The following NDUFAB1 variants were observed in gnomAD, a reference collection of about 807,000 sequenced individuals.
NDUFAB1 encodes NADH:ubiquinone oxidoreductase subunit AB1.
In NDUFAB1, 5 loss-of-function variants were observed where a neutral mutation model predicts 16.1. The ratio of observed to expected loss-of-function variants is 0.31; its 90% CI spans 0.16 to 0.65. The LOEUF is 0.65. Ranked by LOEUF, NDUFAB1 falls within the 30% of genes least tolerant of loss-of-function variation. The probability of loss-of-function intolerance (pLI) is 0.77; values close to 1 mark genes in which losing one functional copy is unlikely to be tolerated. For synonymous variants in NDUFAB1, 85 were observed against 78.4 expected (o/e 1.08, Z -0.44); for missense variants, 187 against 205.3 (o/e 0.91, Z 0.54).
At chr16:23,586,907 CA>C (rs1966238249) in intron 2 of NDUFAB1, among the ~76,000 whole-genome samples, 1 of 152,364 alleles carries the variant, frequency 6.6e-6, no homozygotes, top group Middle Eastern at 3.4e-3. Flanking sequence ...CTCGGCCTCC[CA>C]AAGTGCTGGG....
chr16:23,589,942 G>GAAAAAAA (rs57098255), intron 1 of NDUFAB1, among the ~76,000 whole-genome samples: 15 of 70,486 alleles, frequency 2.1e-4, no homozygotes, highest in African/African-American at 5.9e-4. Context: ...TCTCCAAAAA[G>GAAAAAAA]AAAAAAAAAA....
At chr16:23,582,760 C>T (rs1966192030) in intron 3 of NDUFAB1, among the ~76,000 whole-genome samples, 3 of 149,488 alleles carry the variant, frequency 2.0e-5, no homozygotes, top group Admixed American at 2.0e-4. Flanking sequence ...CACGGTCTCC[C>T]TCTCCCTCTC....
At chr16:23,594,789 GAC>G (rs1450548805) in intron 1 of NDUFAB1, among the ~76,000 whole-genome samples, 2 of 151,912 alleles carry the variant, frequency 1.3e-5, no homozygotes, top group African/African-American at 2.4e-5. Context: ...CGCCTGGCCA[GAC>G]ACACTTATTT....
rs551240775 is a variant in NDUFAB1, at chr16:23,592,823, G to A, written c.168+3300C>T. On this transcript the variant is annotated intron_variant, in intron 1 of 4. Coordinates refer to ENST00000007516, the MANE Select transcript of NDUFAB1 (RefSeq NM_005003.3). ...GACTAGTTGCTCTGAAGTTGGCATA[G>A]TGGATGGATTTGAGGAGAGGAAATT... 2.6e-5 allele frequency among the ~76,000 whole-genome samples: 4 copies of A among 152,358 alleles called. No individual in the cohort carries two copies. In the East Asian group the frequency reaches 7.7e-4, roughly 29 times the overall value.
At chr16:23,590,497 C>G (rs1966270196) in intron 1 of NDUFAB1, among the ~76,000 whole-genome samples, 1 of 152,176 alleles carries the variant, frequency 6.6e-6, no homozygotes, top group Admixed American at 6.5e-5. Context: ...TTGGCTGGCA[C>G]TTAACACAGT....
chr16:23,587,692 G>A (rs449499), intron 1 of NDUFAB1, among the ~76,000 whole-genome samples: 16,309 of 152,312 alleles, frequency 0.11, 1,059 homozygotes, highest in African/African-American at 0.18. Context: ...ACAGGGTGCT[G>A]CCACCTTTAA....
intron 1 of NDUFAB1, among the ~76,000 whole-genome samples, chr16:23,590,261 T>G (rs1966268118): frequency 6.6e-6 from 1 of 152,172 alleles, no homozygotes; most frequent in South Asian, 2.1e-4. Flanking sequence ...GGGTGCTGCA[T>G]CAGGATCAGC....
intron 3 of NDUFAB1, among the ~76,000 whole-genome samples, chr16:23,584,101 C>T (rs1210924212): frequency 1.3e-5 from 2 of 151,338 alleles, no homozygotes; most frequent in East Asian, 3.9e-4. Flanking sequence ...ATCTCAAGTA[C>T]CCAGGGACAC....
At chr16:23,582,864 C>T (rs996797046) in intron 3 of NDUFAB1, among the ~76,000 whole-genome samples, 9 of 151,266 alleles carry the variant, frequency 5.9e-5, no homozygotes, top group African/African-American at 9.7e-5. Flanking sequence ...CCTCTGATGC[C>T]GAGCCGAAGC....
At chr16:23,594,030 G>C (rs1360764391) in intron 1 of NDUFAB1, among the ~76,000 whole-genome samples, 1 of 151,832 alleles carries the variant, frequency 6.6e-6, no homozygotes, top group South Asian at 2.1e-4. Flanking sequence ...ACAGGCGCCC[G>C]CCACCACGCC....
At position 23,596,242 on chromosome 16, in the gene NDUFAB1, A is replaced by G; in HGVS notation, c.49T>C (p.Phe17Leu). The change falls in exon 1 of 5, where the codon TTT (phenylalanine) becomes CTT (leucine). Residue 17 changes from phenylalanine (F) to leucine (L), a missense_variant. Phe to Leu is a conservative substitution (Grantham distance 22). Around this residue, in one of 3 missense-constraint regions of NDUFAB1, gnomAD observed 135 missense variants for 129.4 expected, o/e 1.04. Coordinates refer to ENST00000007516, the MANE Select transcript of NDUFAB1 (RefSeq NM_005003.3). Reference protein sequence around the residue: ...SAYVSRLPAAFAPLPRVRMLA... With the variant: ...SAYVSRLPAALAPLPRVRMLA... ...ATCCGGACCCGGGGCAGCGGCGCAA[A>G]GGCCGCGGGCAGGCGGCTGACATAG... 6.2e-7 allele frequency: 1 copy of G among 1,604,156 alleles called. No individual in the cohort carries two copies. Among genetic ancestry groups the G allele is most frequent in the Non-Finnish European group, 8.5e-7 (1 of 1,176,476 alleles).
chr16:23,595,765 C>T (rs142941963), intron 1 of NDUFAB1: 2 of 469,514 alleles, frequency 4.3e-6, no homozygotes, highest in African/African-American at 2.0e-5. Flanking sequence ...TGAGACCGTA[C>T]GAGGTGCTCT....
chr16:23,591,348 T>TC (rs1439616788), intron 1 of NDUFAB1, among the ~76,000 whole-genome samples: 1 of 152,124 alleles, frequency 6.6e-6, no homozygotes, highest in Non-Finnish European at 1.5e-5. Flanking sequence ...GGCTAGTAAT[T>TC]CAAACAGATG....
chr16:23,585,313 G>A (rs780042047), intron 3 of NDUFAB1, 23 bp downstream of exon 3: 8 of 1,547,226 alleles, frequency 5.2e-6, no homozygotes, highest in Middle Eastern at 1.7e-4. Context: ...ATCGCAGTGT[G>A]TAGATAGAAG....
At chr16:23,590,912 C>T (rs972703917) in intron 1 of NDUFAB1, 1 of 152,272 alleles carries the variant, frequency 6.6e-6, no homozygotes, top group Non-Finnish European at 1.5e-5. Context: ...GCTGGGATTA[C>T]ATGCATAAGC....
At chr16:23,589,599 A>G (rs1372410790) in intron 1 of NDUFAB1, among the ~76,000 whole-genome samples, 2 of 152,194 alleles carry the variant, frequency 1.3e-5, no homozygotes, top group Non-Finnish European at 2.9e-5. Flanking sequence ...CAGAAAAGAA[A>G]TTTCAGTTGG....
Position 23,587,440 on chromosome 16 carries a change from T to A in NDUFAB1, c.169-121A>T, listed in dbSNP as rs905213258. ...GCTTTAGAGAACCCACAGCATCTGATTCTCATTGTGGCCACCAGGACACAC... is the reference window on the plus strand; with the variant it reads ...GCTTTAGAGAACCCACAGCATCTGAATCTCATTGTGGCCACCAGGACACAC... On this transcript the variant is annotated intron_variant, in intron 1 of 4. Coordinates refer to ENST00000007516, the MANE Select transcript of NDUFAB1 (RefSeq NM_005003.3). The A allele has an allele frequency of 2.2e-5, 28 of 1,266,850 alleles. No homozygotes were observed. In the African/African-American group the frequency reaches 2.9e-4, roughly 13 times the overall value. The allele number at this position is 1,266,850 out of a possible 1,614,324, so 78.5% of individuals were successfully genotyped here.
chr16:23,595,976 C>T (rs1474841511), intron 1 of NDUFAB1, 147 bp downstream of exon 1: 3 of 1,000,990 alleles, frequency 3.0e-6, no homozygotes, highest in Non-Finnish European at 4.2e-6. Flanking sequence ...CAACTAAACA[C>T]CTTTAGGCAG....
chr16:23,595,123 C>T (rs1032972119), intron 1 of NDUFAB1, among the ~76,000 whole-genome samples: 1 of 151,882 alleles, frequency 6.6e-6, no homozygotes, highest in Non-Finnish European at 1.5e-5. Flanking sequence ...TGGTGGCGGG[C>T]GCCTGTAGTC....
Sources: gnomAD v4.1 joint callset for allele counts (sites outside exome capture counted in the v4.1 genomes callset) on GRCh38, gnomAD v4.1.1 for gene constraint, gnomAD v4.1.1 regional missense constraint, MANE v1.5 for transcripts, NCBI Gene and HGNC (gene_info 2026-07-23, HGNC 2026-07-21) for gene names.